Variants in PLA2G6 observed in about 807,000 individuals in gnomAD.
The protein encoded by PLA2G6 is 85/88 kDa calcium-independent phospholipase A2.
Under a neutral mutation model 83.8 loss-of-function variants are expected in PLA2G6, and 62 were observed. The observed-to-expected ratio is 0.74, with a 90% CI of 0.60 to 0.91. PLA2G6 has a LOEUF of 0.91. Ranked by LOEUF, PLA2G6 falls within the 40% of genes least tolerant of loss-of-function variation. The pLI, the probability that PLA2G6 is intolerant of heterozygous loss-of-function variation, is 0.00. For synonymous variants in PLA2G6, 417 were observed against 449.8 expected (o/e 0.93, Z 0.92); for missense variants, 944 against 1,102.0 (o/e 0.86, Z 2.03).
intron 14 of PLA2G6, among the ~76,000 whole-genome samples, chr22:38,114,578 T>G (rs1396118930): frequency 6.6e-6 from 1 of 152,140 alleles, no homozygotes; most frequent in African/African-American, 2.4e-5. Context: ...AGGCTCCCCA[T>G]CCGCACGCAA....
chr22:38,179,942 C>T (rs991897019), intron 1 of PLA2G6, among the ~76,000 whole-genome samples: 6 of 152,034 alleles, frequency 3.9e-5, no homozygotes, highest in African/African-American at 1.4e-4. Context: ...AGAAATAAGA[C>T]TGGATGAGAT....
At chr22:38,116,359 C>G (rs1438507471) in intron 12 of PLA2G6, 148 bp from the exon 13 acceptor site, 1 of 858,494 alleles carries the variant, frequency 1.2e-6, no homozygotes, top group Non-Finnish European at 1.9e-6. Context: ...GCACCATCCC[C>G]GCAAAACAGG....
chr22:38,165,516 C>T (rs132965), intron 2 of PLA2G6, among the ~76,000 whole-genome samples: 17,702 of 152,210 alleles, frequency 0.12, 1,253 homozygotes, highest in African/African-American at 0.18. Context: ...GAGCTGAGAA[C>T]ACAGAGGCAG....
intron 12 of PLA2G6, among the ~76,000 whole-genome samples, chr22:38,117,182 G>T (rs933669407): frequency 5.9e-5 from 9 of 152,034 alleles, no homozygotes; most frequent in Non-Finnish European, 1.2e-4. Flanking sequence ...GGAAAAAACG[G>T]GTCAAGTTCG....
At chr22:38,175,720 C>T (rs973318217) in intron 1 of PLA2G6, among the ~76,000 whole-genome samples, 1 of 152,174 alleles carries the variant, frequency 6.6e-6, no homozygotes, top group Non-Finnish European at 1.5e-5. Context: ...CTCTTCTCCC[C>T]AGCACCCCAC....
intron 9 of PLA2G6, among the ~76,000 whole-genome samples, chr22:38,127,670 C>A (rs569542524): frequency 1.1e-4 from 16 of 152,294 alleles, no homozygotes; most frequent in Non-Finnish European, 1.6e-4. Flanking sequence ...GGGGACCCCG[C>A]TCCCAAACAA....
intron 3 of PLA2G6, chr22:38,144,246 A>G (rs1053157324): frequency 8.5e-5 from 13 of 152,566 alleles, no homozygotes; most frequent in Admixed American, 8.5e-4. Flanking sequence ...CTTCCAGAAG[A>G]GCAGCCTGGG....
chr22:38,149,956 G>C (rs1411166390), intron 2 of PLA2G6: 1 of 149,148 alleles, frequency 6.7e-6, no homozygotes, highest in African/African-American at 2.5e-5. Context: ...CTTCACTCCA[G>C]CTTAGGCAAA....
intron 1 of PLA2G6, among the ~76,000 whole-genome samples, chr22:38,171,625 C>A (rs1358166049): frequency 6.6e-6 from 1 of 151,978 alleles, no homozygotes. Context: ...TTGAGACCAG[C>A]CTGACCAACA....
intron 2 of PLA2G6, among the ~76,000 whole-genome samples, chr22:38,152,680 T>C (rs2089614760): frequency 6.6e-6 from 1 of 152,230 alleles, no homozygotes; most frequent in African/African-American, 2.4e-5. Flanking sequence ...GGTATTCCTT[T>C]ATAGCAACAC....
At chr22:38,121,337 C>T (rs769902568) in intron 11 of PLA2G6, among the ~76,000 whole-genome samples, 21 of 152,346 alleles carry the variant, frequency 1.4e-4, no homozygotes, top group Non-Finnish European at 2.6e-4. Flanking sequence ...AGATGCACCA[C>T]TGCACTCCAG....
chr22:38,131,772 T>C, intron 7 of PLA2G6: 1 of 211,094 alleles, frequency 4.7e-6, no homozygotes, highest in Non-Finnish European at 9.8e-6. Flanking sequence ...AACAGACTTC[T>C]GTACATACGG....
At chr22:38,116,684 G>A (rs1050871009) in intron 12 of PLA2G6, among the ~76,000 whole-genome samples, 9 of 151,766 alleles carry the variant, frequency 5.9e-5, no homozygotes, top group South Asian at 4.2e-4. Flanking sequence ...GGGAAACCCC[G>A]TCTCTACTAA....
intron 2 of PLA2G6, chr22:38,163,683 G>A (rs2090106016): frequency 5.9e-6 from 1 of 169,554 alleles, no homozygotes; most frequent in African/African-American, 2.4e-5. Flanking sequence ...GGAGAAGCAA[G>A]GGCAAAGAGG....
chr22:38,178,842 G>T (rs1226515517), intron 1 of PLA2G6, among the ~76,000 whole-genome samples: 2 of 151,948 alleles, frequency 1.3e-5, no homozygotes, highest in East Asian at 3.9e-4. Flanking sequence ...CTCCAGCCTG[G>T]GCAACAGAGT....
rs387906863 is a variant in PLA2G6 at position 38,115,657 on chromosome 22, C to T, written c.1904G>A (p.Arg635Gln). 33 of 1,534,844 alleles carry T rather than the reference C, an allele frequency of 2.2e-5. No homozygotes were observed. In the East Asian group the frequency reaches 5.5e-4, roughly 26 times the overall value. The change falls in exon 14 of 17, where the codon CGA (arginine) becomes CAA (glutamine). Residue 635 changes from arginine to glutamine, a missense_variant. Physicochemically the swap from Arg to Gln is conservative, Grantham distance 43. Coordinates refer to ENST00000332509, the MANE Select transcript of PLA2G6 (RefSeq NM_003560.4). Reference protein sequence around the residue: ...PSDQLVWRAARSSGAAPTYFR... With the variant: ...PSDQLVWRAAQSSGAAPTYFR... ...GTAAGTAGGAGCTGCCCCGCTGCTT[C>T]GGGCCGCCCGCCACACCAGCTGGTC...
At chr22:38,117,905 G>C (rs1011321285) in intron 12 of PLA2G6, among the ~76,000 whole-genome samples, 27 of 151,916 alleles carry the variant, frequency 1.8e-4, no homozygotes, top group African/African-American at 6.3e-4. Context: ...GCATGGTGGT[G>C]CACGCCTATA....
rs1233882842 is a variant in PLA2G6, at chr22:38,128,884, C to T, written c.1187-454G>A. Among the ~76,000 whole-genome samples the T allele has an allele frequency of 2.0e-5, 3 of 152,238 alleles. No homozygotes were observed. The highest frequency in any genetic ancestry group is 2.0e-4 in the Admixed American group (3 of 15,292). On this transcript the variant is annotated intron_variant, in intron 8 of 16. Coordinates refer to ENST00000332509, the MANE Select transcript of PLA2G6 (RefSeq NM_003560.4). This position sits in a 1 kb window ranked among gnomAD's most constrained non-coding sequence, Gnocchi z 4.4. The stretch of plus-strand genomic sequence containing the variant: ...CGGTGCATGCAGACACACACGTGTG[C>T]ACTGGCACACACACACTGCTGCCAT...
At chr22:38,120,953 C>G (rs750534315) in intron 11 of PLA2G6, 44 bp from the exon 12 acceptor site, 1 of 1,608,120 alleles carries the variant, frequency 6.2e-7, no homozygotes. Flanking sequence ...AGCGGCCACA[C>G]GCAGGGCTCC....
Sources: allele counts gnomAD v4.1 joint callset (sites outside exome capture counted in the v4.1 genomes callset), GRCh38; gene constraint gnomAD v4.1.1; non-coding constraint Gnocchi (gnomAD v3.1); transcripts MANE v1.5; gene names NCBI Gene and HGNC (gene_info 2026-07-23, HGNC 2026-07-21).